The following SLC27A4 variants were observed in gnomAD, a reference collection of about 807,000 sequenced individuals.
SLC27A4 encodes the protein long-chain fatty acid transport protein 4.
SLC27A4 carries 33 observed loss-of-function variants against 64.4 expected under a neutral mutation model. That is an observed-to-expected ratio of 0.51 (90% CI 0.39 to 0.68). The LOEUF (loss-of-function observed/expected upper bound fraction) is 0.68. Ranked by LOEUF, SLC27A4 falls within the 30% of genes least tolerant of loss-of-function variation. The pLI is 0.00. For synonymous variants in SLC27A4, 377 were observed against 370.0 expected (o/e 1.02, Z -0.22); for missense variants, 824 against 883.5 (o/e 0.93, Z 0.85).
In SLC27A4 at chr9:128,343,235, G is replaced by A. The variant is rs1463749326; in HGVS notation, c.103G>A (p.Gly35Arg). 3.1e-6 allele frequency: 5 copies of A among 1,614,020 alleles called. No individual in the cohort carries two copies. The African/African-American group carries it at 5.3e-5, about 17-fold the overall frequency. ...ATTCTCCCTGTTGTTCCTCTACTTGGGATCTGGCGGCTGGCGCTTCATCCG... is the reference window on the plus strand; with the variant it reads ...ATTCTCCCTGTTGTTCCTCTACTTGAGATCTGGCGGCTGGCGCTTCATCCG... ...VGFSLLFLYL[G>R]SGGWRFIRVF... Residue 35 changes from glycine (G) to arginine (R), a missense_variant, in exon 2 of 13, where the codon GGA becomes AGA. Physicochemically the swap from Gly to Arg is moderately radical, Grantham distance 125. Coordinates refer to ENST00000300456, the MANE Select transcript of SLC27A4 (RefSeq NM_005094.4).
rs916183868 is a variant in SLC27A4 at position 128,342,176 on chromosome 9, C to T, written c.-6-951C>T. On this transcript the variant is annotated intron_variant, in intron 1 of 12. Transcript: ENST00000300456. ...CAGGACAACTCGGTGGTGGCCACTGCGCAGACCAGACTTCGCTCGTTCTCG... is the reference window on the plus strand; with the variant it reads ...CAGGACAACTCGGTGGTGGCCACTGTGCAGACCAGACTTCGCTCGTTCTCG... 1.4e-5 allele frequency: 19 copies of T among 1,389,222 alleles called. No individual in the cohort carries two copies. In the East Asian group the frequency reaches 2.5e-4, roughly 18 times the overall value. 86.1% of individuals were successfully genotyped at this position (1,389,222 alleles called of 1,614,324 possible). A position where few individuals can be genotyped will look rare whatever the true frequency, so the allele number is the denominator to read the frequency against.
In SLC27A4 at chr9:128,360,289, C is replaced by T. The variant is rs150355667; in HGVS notation, c.1775-45C>T. ...GTACTGGTGGTTGGGAAGCTGGGAGCTCGGGCCCCTGCCCTGCACTGAGTC... is the reference window on the plus strand; with the variant it reads ...GTACTGGTGGTTGGGAAGCTGGGAGTTCGGGCCCCTGCCCTGCACTGAGTC... On this transcript the variant is annotated intron_variant, in intron 12 of 12. Transcript: ENST00000300456. The T allele has an allele frequency of 1.2e-4, 190 of 1,611,398 alleles. No homozygotes were observed. The East Asian group carries it at 3.6e-3, about 30-fold the overall frequency.
At chr9:128,350,050 A>G (rs1402446744) in intron 4 of SLC27A4, among the ~76,000 whole-genome samples, 1 of 152,252 alleles carries the variant, frequency 6.6e-6, no homozygotes. Flanking sequence ...GTGACTGCCA[A>G]GAGGGCCAGG....
intron 1 of SLC27A4, among the ~76,000 whole-genome samples, chr9:128,341,496 G>C (rs1300072505): frequency 6.6e-6 from 1 of 152,180 alleles, no homozygotes; most frequent in Non-Finnish European, 1.5e-5. Flanking sequence ...ATGGGTGGTG[G>C]TGTCTTCAAG....
rs779524723 is a variant in SLC27A4 at position 128,355,674 on chromosome 9, C to T, written c.1652C>T (p.Ala551Val). 3.1e-6 allele frequency: 5 copies of T among 1,611,980 alleles called. No homozygotes were observed. The Admixed American group carries it at 5.0e-5, about 16-fold the overall frequency. ...VPGTEGRAGM[A>V]AVASPTGNCD... ...GGAACCGAGGGCCGGGCCGGAATGG[C>T]TGCTGTGGCCAGCCCCACTGGCAAC... Residue 551 changes from alanine (A) to valine (V), a missense_variant, in exon 12 of 13, where the codon GCT becomes GTT. Physicochemically the swap from Ala to Val is moderately conservative, Grantham distance 64. Coordinates refer to ENST00000300456, the MANE Select transcript of SLC27A4 (RefSeq NM_005094.4).
intron 5 of SLC27A4, 23 bp downstream of exon 5, chr9:128,350,404 G>C (rs922230077): frequency 2.5e-5 from 41 of 1,613,198 alleles, no homozygotes; most frequent in Non-Finnish European, 3.2e-5. Flanking sequence ...TGCCCAGGGT[G>C]GGGTAGGCAC....
Position 128,343,256 on chromosome 9 carries a change from A to T in SLC27A4, c.124A>T (p.Ile42Phe). 1 of 1,614,046 alleles carries T rather than the reference A, an allele frequency of 6.2e-7. No homozygotes were observed. The highest frequency in any genetic ancestry group is 2.2e-5 in the East Asian group (1 of 44,876). ...CTTGGGATCTGGCGGCTGGCGCTTC[A>T]TCCGGGTCTTCATCAAGACCATCAG... ...LYLGSGGWRFIRVFIKTIRRD... is the reference protein window; with the variant it reads ...LYLGSGGWRFFRVFIKTIRRD... The change falls in exon 2 of 13, where the codon ATC becomes TTC. Residue 42 changes from isoleucine (I) to phenylalanine (F), a missense_variant. Physicochemically the swap from Ile to Phe is conservative, Grantham distance 21. Transcript: ENST00000300456.
intron 1 of SLC27A4, chr9:128,342,571 A>G (rs527437025): frequency 6.9e-6 from 4 of 576,718 alleles, no homozygotes; most frequent in African/African-American, 1.9e-5. Context: ...AGGGAAGGAA[A>G]GAACTTGCTT....
intron 12 of SLC27A4, among the ~76,000 whole-genome samples, chr9:128,358,934 C>T (rs894219161): frequency 6.6e-6 from 1 of 152,218 alleles, no homozygotes; most frequent in African/African-American, 2.4e-5. Context: ...CCTAGACTCA[C>T]CCAGAACTCC....
rs995917491 is a variant in SLC27A4 at position 128,345,978 on chromosome 9, G to A, written c.556+429G>A. ...TGCAGTGGTGCAGTCACAGCTCACT[G>A]CAGCCTTGACCTCTCAGGCTCAAGC... On this transcript the variant is annotated intron_variant, in intron 3 of 12. Transcript: ENST00000300456. The surrounding 1 kb of genome is among the most constrained non-coding windows in gnomAD (Gnocchi z 4.1). 5.3e-5 allele frequency among the ~76,000 whole-genome samples: 8 copies of A among 152,000 alleles called. No homozygotes were observed. Among genetic ancestry groups the A allele is most frequent in the African/African-American group, 1.9e-4 (8 of 41,364 alleles).
chr9:128,345,214 G>A lies in SLC27A4; in HGVS notation c.221G>A (p.Arg74Gln), dbSNP rs1348986026. The A allele has an allele frequency of 1.2e-5, 20 of 1,613,554 alleles. No individual in the cohort carries two copies. The highest frequency in any genetic ancestry group is 1.6e-4 in the Middle Eastern group (1 of 6,084). ...GTGCGACAGTGCCTGCAGGAGCGGC[G>A]GACAGTGCCCATTTTGTTTGCCTCT... ...AKVRQCLQER[R>Q]TVPILFASTV... Residue 74 changes from arginine to glutamine, a missense_variant, in exon 3 of 13, where the codon CGG (arginine) becomes CAG (glutamine). Physicochemically the swap from Arg to Gln is conservative, Grantham distance 43. Coordinates refer to ENST00000300456, the MANE Select transcript of SLC27A4 (RefSeq NM_005094.4). The surrounding 1 kb of genome is among the most constrained non-coding windows in gnomAD (Gnocchi z 4.1).
rs587776378 is a variant in SLC27A4 at position 128,345,512 on chromosome 9, C to T, written c.519C>T (p.Arg173=). The T allele has an allele frequency of 1.4e-5, 23 of 1,609,596 alleles. No individual in the cohort carries two copies. Among genetic ancestry groups the T allele is most frequent in the East Asian group, 6.7e-5 (3 of 44,808 alleles). ...TGCTCCACTGCCTCACCACCTCGCGCGCACGGGCCCTTGTCTTTGGCAGCG... is the reference window on the plus strand; with the variant it reads ...TGCTCCACTGCCTCACCACCTCGCGTGCACGGGCCCTTGTCTTTGGCAGCG... ...DALLHCLTTS[R]ARALVFGSEM... The change falls in exon 3 of 13, where the codon CGC becomes CGT. Residue 173 remains arginine, a synonymous_variant. Coordinates refer to ENST00000300456, the MANE Select transcript of SLC27A4 (RefSeq NM_005094.4). The surrounding 1 kb of genome is among the most constrained non-coding windows in gnomAD (Gnocchi z 4.1).
At chr9:128,348,794 C>A in intron 4 of SLC27A4, 91 bp downstream of exon 4, 1 of 1,357,924 alleles carries the variant, frequency 7.4e-7, no homozygotes, top group Non-Finnish European at 1.0e-6. Flanking sequence ...TTTCTGGAAA[C>A]TTGCCATGTG....
intron 1 of SLC27A4, 73 bp from the exon 2 acceptor site, chr9:128,343,054 G>A (rs1353555078): frequency 1.3e-6 from 2 of 1,576,656 alleles, no homozygotes; most frequent in Non-Finnish European, 1.7e-6. Flanking sequence ...ACAGTGGCCT[G>A]GCTGTCTGGG....
chr9:128,360,193 G>C, intron 12 of SLC27A4, 141 bp from the exon 13 acceptor site: 1 of 975,276 alleles, frequency 1.0e-6, no homozygotes, highest in Non-Finnish European at 1.6e-6. Flanking sequence ...TTTGCAAACT[G>C]TAAAGGGCTG....
rs199602284 is a variant in SLC27A4 at position 128,355,579 on chromosome 9, G to A, written c.1627+17G>A. On this transcript the variant is annotated intron_variant, in intron 11 of 12. Coordinates refer to ENST00000300456, the MANE Select transcript of SLC27A4 (RefSeq NM_005094.4). ...AGGTGCCAGGTATGTGCAGGCAGGC[G>A]CGAGGTGTGGGTAGGGAGGCACCAC... 91 of 1,608,096 alleles carry A rather than the reference G, an allele frequency of 5.7e-5. No homozygotes were observed. The East Asian group carries it at 8.9e-4, about 16-fold the overall frequency.
intron 12 of SLC27A4, among the ~76,000 whole-genome samples, chr9:128,359,635 A>G (rs1044887938): frequency 1.3e-5 from 2 of 151,952 alleles, no homozygotes; most frequent in African/African-American, 4.8e-5. Flanking sequence ...CAATAAAGAA[A>G]GAAAGAAAGA....
At chr9:128,341,298 C>T (rs1458310748) in intron 1 of SLC27A4, among the ~76,000 whole-genome samples, 1 of 152,182 alleles carries the variant, frequency 6.6e-6, no homozygotes, top group East Asian at 1.9e-4. Flanking sequence ...TTCATCTACT[C>T]CCAAGAACAG....
At chr9:128,340,883 C>T (rs1309890261) in intron 1 of SLC27A4, 45 bp downstream of exon 1, 1 of 568,790 alleles carries the variant, frequency 1.8e-6, no homozygotes, top group Admixed American at 2.9e-5. Context: ...GGGACATGTG[C>T]CAGGCCGAGT....
Sources: gnomAD v4.1 joint callset for allele counts (sites outside exome capture counted in the v4.1 genomes callset) on GRCh38, gnomAD v4.1.1 for gene constraint, Gnocchi (gnomAD v3.1) non-coding constraint, MANE v1.5 for transcripts, NCBI Gene and HGNC (gene_info 2026-07-23, HGNC 2026-07-21) for gene names.